The following TBC1D23 variants were observed in gnomAD, a reference collection of about 807,000 sequenced individuals.
The protein encoded by TBC1D23 is HCV non-structural protein 4A-transactivated protein 1.
A neutral mutation model predicts 91.4 loss-of-function variants in TBC1D23; 55 were observed. The observed-to-expected ratio is 0.60, with a 90% CI of 0.48 to 0.75. The LOEUF is 0.75. Among genes scored for constraint, TBC1D23 ranks in the 30% least tolerant of loss-of-function variants. The pLI, the probability that TBC1D23 is intolerant of heterozygous loss-of-function variation, is 0.00. For missense variants in TBC1D23, 725 were observed against 836.1 expected (o/e 0.87, Z 1.64); for synonymous variants, 289 against 281.0 (o/e 1.03, Z -0.28).
At chr3:100,305,458 T>TTAAAATCTTA in intron 12 of TBC1D23, among the ~76,000 whole-genome samples, 1 of 152,092 alleles carries the variant, frequency 6.6e-6, no homozygotes, top group Non-Finnish European at 1.5e-5. Context: ...GTAATAAGAT[T>TTAAAATCTTA]TTAAAAGAGC....
chr3:100,290,128 T>A (rs1289628742), intron 4 of TBC1D23, among the ~76,000 whole-genome samples: 1 of 152,212 alleles, frequency 6.6e-6, no homozygotes, highest in African/African-American at 2.4e-5. Flanking sequence ...AAGGCCATTA[T>A]TTCTGAAATG....
Position 100,284,356 on chromosome 3 carries a change from A to G in TBC1D23, c.476+545A>G, listed in dbSNP as rs13323916. Among the ~76,000 whole-genome samples the G allele has an allele frequency of 6.2e-3, 943 of 152,196 alleles. 13 individuals are homozygous for G. The highest frequency in any genetic ancestry group is 8.3e-3 in the Non-Finnish European group (564 of 68,008). On this transcript the variant is annotated intron_variant, in intron 4 of 18. Coordinates refer to ENST00000394144, the MANE Select transcript of TBC1D23 (RefSeq NM_001199198.3). ...TAAAAATTAAAAATTTCTAGAGTTT[A>G]TATATATAATTCTTCCAGTTTATTT...
chr3:100,276,121 G>A (rs1432404734), intron 1 of TBC1D23, among the ~76,000 whole-genome samples: 2 of 150,984 alleles, frequency 1.3e-5, no homozygotes, highest in African/African-American at 2.4e-5. Context: ...ACTAAGTCTC[G>A]TTTCTTGTTT....
At chr3:100,280,195 C>T (rs1197192637) in intron 2 of TBC1D23, among the ~76,000 whole-genome samples, 2 of 151,754 alleles carry the variant, frequency 1.3e-5, no homozygotes, top group African/African-American at 2.4e-5. Context: ...CGCCACTGCA[C>T]TCCAGCCTGA....
chr3:100,318,032 A>G (rs1292545849), intron 16 of TBC1D23, among the ~76,000 whole-genome samples: 1 of 152,084 alleles, frequency 6.6e-6, no homozygotes. Flanking sequence ...ATGTTAAAGC[A>G]AAGACATGTA....
At chr3:100,297,794 A>G (rs1576174463) in intron 8 of TBC1D23, 129 bp from the exon 9 acceptor site, 1 of 700,498 alleles carries the variant, frequency 1.4e-6, no homozygotes, top group East Asian at 3.0e-5. Flanking sequence ...ATTATGTAGT[A>G]TTAAGTTTTA....
chr3:100,308,407 G>A (rs536913571), intron 13 of TBC1D23, among the ~76,000 whole-genome samples: 5 of 151,938 alleles, frequency 3.3e-5, no homozygotes, highest in Admixed American at 6.6e-5. Flanking sequence ...CCCGGGAGGC[G>A]GAGCTTGCAG....
intron 1 of TBC1D23, among the ~76,000 whole-genome samples, chr3:100,272,520 C>T (rs536178546): frequency 1.3e-5 from 2 of 152,252 alleles, no homozygotes; most frequent in South Asian, 4.1e-4. Flanking sequence ...CCCTCCACAC[C>T]TGTGGGTGTT....
At chr3:100,288,524 G>A (rs2067763040) in intron 4 of TBC1D23, among the ~76,000 whole-genome samples, 9 of 152,146 alleles carry the variant, frequency 5.9e-5, no homozygotes, top group Admixed American at 5.9e-4. Flanking sequence ...TTTCCCATCT[G>A]TAAATTGGGT....
At chr3:100,266,972 GAATA>G (rs1220823335) in intron 1 of TBC1D23, among the ~76,000 whole-genome samples, 1 of 152,174 alleles carries the variant, frequency 6.6e-6, no homozygotes, top group Non-Finnish European at 1.5e-5. Context: ...AACATTCACT[GAATA>G]GTGGTTATAT....
At chr3:100,262,347 G>C (rs1464381222) in intron 1 of TBC1D23, among the ~76,000 whole-genome samples, 1 of 152,182 alleles carries the variant, frequency 6.6e-6, no homozygotes, top group African/African-American at 2.4e-5. Flanking sequence ...ACTAGGCTTT[G>C]AAGAATAAGT....
intron 18 of TBC1D23, 47 bp from the exon 19 acceptor site, chr3:100,323,540 C>T: frequency 2.3e-6 from 2 of 886,050 alleles, no homozygotes; most frequent in Non-Finnish European, 3.1e-6. Flanking sequence ...TATACATATA[C>T]ATATGTATAT....
intron 2 of TBC1D23, 83 bp downstream of exon 2, chr3:100,279,843 C>T: frequency 1.2e-6 from 1 of 800,728 alleles, no homozygotes; most frequent in Non-Finnish European, 2.0e-6. Context: ...GTCTTAGTTG[C>T]AGAAAACTTT....
Position 100,318,932 on chromosome 3 carries a change from CG to C in TBC1D23, c.1688-136del, listed in dbSNP as rs1486094866. On this transcript the variant is annotated intron_variant, in intron 16 of 18. Coordinates refer to ENST00000394144, the MANE Select transcript of TBC1D23 (RefSeq NM_001199198.3). ...CCTCCCAAAGTGCTGTGATTGCAGG[CG>C]TGAGTCACTGTGCCCAGGCTGTTTG... The C allele has an allele frequency of 3.2e-5, 17 of 524,116 alleles. No homozygotes were observed. The East Asian group carries it at 6.1e-4, about 19-fold the overall frequency. The allele number at this position is 524,116 out of a possible 1,614,324, so 32.5% of individuals were successfully genotyped here.
chr3:100,285,406 T>C lies in TBC1D23; in HGVS notation c.476+1595T>C, dbSNP rs188233746. 1.2e-4 allele frequency among the ~76,000 whole-genome samples: 19 copies of C among 152,364 alleles called. 1 individual carries two copies. The East Asian group carries it at 3.7e-3, about 29-fold the overall frequency. On this transcript the variant is annotated intron_variant, in intron 4 of 18. Coordinates refer to ENST00000394144, the MANE Select transcript of TBC1D23 (RefSeq NM_001199198.3). ...TGTTTTCTAGGTTCATATTGTATCA[T>C]ATATCTTATTTCATTTCTTTTTTTG...
rs935254653 is a variant in TBC1D23, at chr3:100,260,999, T to G, written c.-20T>G. On this transcript the variant is annotated 5_prime_UTR_variant, in exon 1 of 19. Transcript: ENST00000394144. ...GCGCCGGATCCACTTTTCGGCAAAGTGACGTGGACGTCAACAGCAATGGCG... is the reference window on the plus strand; with the variant it reads ...GCGCCGGATCCACTTTTCGGCAAAGGGACGTGGACGTCAACAGCAATGGCG... 3 of 1,612,720 alleles carry G rather than the reference T, an allele frequency of 1.9e-6. No individual in the cohort carries two copies. The African/African-American group carries it at 4.0e-5, about 22-fold the overall frequency.
chr3:100,296,098 T>C lies in TBC1D23; in HGVS notation c.773-74T>C, dbSNP rs775136258. ...ATTTGCATAGTATTTATGATGAAGA[T>C]ATTTCGGCTCTGATACATAAACAAT... On this transcript the variant is annotated intron_variant, in intron 7 of 18. Transcript: ENST00000394144. 20 of 761,646 alleles carry C rather than the reference T, an allele frequency of 2.6e-5. No individual in the cohort carries two copies. In the Admixed American group the frequency reaches 3.9e-4, roughly 15 times the overall value. 47.2% of individuals were successfully genotyped at this position (761,646 alleles called of 1,614,324 possible).
In TBC1D23 at chr3:100,325,026, A is replaced by T. The variant is rs1045774489; in HGVS notation, c.*1358A>T. ...TTGAGTGGTTGAAGACATCTGCATGAAATTGCACCTAGGTGCATTACTTGA... is the reference window on the plus strand; with the variant it reads ...TTGAGTGGTTGAAGACATCTGCATGTAATTGCACCTAGGTGCATTACTTGA... On this transcript the variant is annotated 3_prime_UTR_variant, in exon 19 of 19. Coordinates refer to ENST00000394144, the MANE Select transcript of TBC1D23 (RefSeq NM_001199198.3). 1 of 152,240 alleles carries T rather than the reference A, an allele frequency of 6.6e-6. No homozygotes were observed. The highest frequency in any genetic ancestry group is 1.5e-5 in the Non-Finnish European group (1 of 68,038). The allele number at this position is 152,240 out of a possible 1,614,324, so 9.4% of individuals were successfully genotyped here.
chr3:100,267,738 G>A (rs1019790546), intron 1 of TBC1D23, among the ~76,000 whole-genome samples: 2 of 152,094 alleles, frequency 1.3e-5, no homozygotes, highest in African/African-American at 2.4e-5. Flanking sequence ...GGAGCATTTC[G>A]GAGTTGGGAT....
Sources: allele counts gnomAD v4.1 joint callset (sites outside exome capture counted in the v4.1 genomes callset), GRCh38; gene constraint gnomAD v4.1.1; transcripts MANE v1.5; gene names NCBI Gene and HGNC (gene_info 2026-07-23, HGNC 2026-07-21).